Variants in LINGO2 observed in about 807,000 individuals in gnomAD.
LINGO2 encodes leucine-rich repeat and immunoglobulin-like domain-containing nogo receptor-interacting protein 2.
Under a neutral mutation model 30.6 loss-of-function variants are expected in LINGO2, and 14 were observed. That is an observed-to-expected ratio of 0.46 (90% CI 0.30 to 0.72). The LOEUF is 0.72. Ranked by LOEUF, LINGO2 falls within the 30% of genes least tolerant of loss-of-function variation. The pLI is 0.07. For synonymous variants in LINGO2, 317 were observed against 288.5 expected, an observed-to-expected ratio of 1.10 and a Z score of -1.00; for missense variants, 729 against 751.7, an observed-to-expected ratio of 0.97 and a Z score of 0.35.
chr9:29,188,432 A>G, the LINGO2 span, among the ~76,000 whole-genome samples: 2 of 152,172 alleles, frequency 1.3e-5, no homozygotes, highest in African/African-American at 4.8e-5. Flanking sequence ...CTACACAGAC[A>G]CAGCAACCAT....
intron 1 of LINGO2, among the ~76,000 whole-genome samples, chr9:28,580,458 C>T (rs1824205490): frequency 6.6e-6 from 1 of 151,902 alleles, no homozygotes; most frequent in Non-Finnish European, 1.5e-5. Context: ...TGCCCATCCC[C>T]CTCCCTCCCA....
chr9:28,198,503 G>A lies in LINGO2; in HGVS notation c.-87+96705C>T, dbSNP rs184077245. ...TTTCTTTCCTTTGCATATGAATACT[G>A]ATGCAAAAATGACAAAATATTTTCA... On this transcript the variant is annotated intron_variant, in intron 4 of 5. Transcript: ENST00000379992. Among the ~76,000 whole-genome samples, 311 of 152,162 alleles carry A rather than the reference G, an allele frequency of 2.0e-3. 2 individuals are homozygous for A. Among genetic ancestry groups the A allele is most frequent in the Middle Eastern group, 0.017 (5 of 294 alleles).
chr9:29,042,755 T>A, the LINGO2 span, among the ~76,000 whole-genome samples: 2 of 152,096 alleles, frequency 1.3e-5, no homozygotes, highest in East Asian at 1.9e-4. Context: ...TTGCCTCACA[T>A]CCTTATTTTT....
the LINGO2 span, among the ~76,000 whole-genome samples, chr9:29,017,949 T>C: frequency 6.6e-6 from 1 of 151,498 alleles, no homozygotes; most frequent in Non-Finnish European, 1.5e-5. Flanking sequence ...TGCTCTACTC[T>C]CTCTCACAAG....
At chr9:28,932,605 T>C in the LINGO2 span, among the ~76,000 whole-genome samples, 1 of 152,148 alleles carries the variant, frequency 6.6e-6, no homozygotes, top group African/African-American at 2.4e-5. Context: ...CTAAAACGGT[T>C]TCCTCTGGGT....
intron 1 of LINGO2, among the ~76,000 whole-genome samples, chr9:28,613,856 G>A (rs1826022812): frequency 6.6e-6 from 1 of 152,076 alleles, no homozygotes; most frequent in Non-Finnish European, 1.5e-5. Flanking sequence ...GTGGTCCATT[G>A]GACATGTTAA....
chr9:28,245,531 G>A (rs570456558), intron 4 of LINGO2, among the ~76,000 whole-genome samples: 24 of 152,228 alleles, frequency 1.6e-4, no homozygotes, highest in African/African-American at 5.3e-4. Context: ...TGCAGATGAC[G>A]TGATCCTACA....
the LINGO2 span, among the ~76,000 whole-genome samples, chr9:28,999,898 C>G: frequency 1.4e-5 from 2 of 144,328 alleles, no homozygotes; most frequent in African/African-American, 5.2e-5. Flanking sequence ...TTCTAAATAA[C>G]TGTATCCATG....
intron 2 of LINGO2, among the ~76,000 whole-genome samples, chr9:28,450,914 C>T (rs1011798877): frequency 6.6e-6 from 1 of 151,996 alleles, no homozygotes; most frequent in Non-Finnish European, 1.5e-5. Flanking sequence ...CCACTCTCCT[C>T]ATTGATTTTA....
the LINGO2 span, among the ~76,000 whole-genome samples, chr9:29,203,900 T>C: frequency 2.6e-5 from 4 of 152,212 alleles, no homozygotes; most frequent in African/African-American, 7.2e-5. Flanking sequence ...TAAATACACT[T>C]ATGATGCAAA....
chr9:28,596,772 G>T (rs1471667807), intron 1 of LINGO2, among the ~76,000 whole-genome samples: 1 of 152,010 alleles, frequency 6.6e-6, no homozygotes, highest in African/African-American at 2.4e-5. Flanking sequence ...ATAAGTATAT[G>T]CACAGTCTGA....
chr9:28,026,904 G>T (rs574490540), intron 4 of LINGO2, among the ~76,000 whole-genome samples: 2 of 152,180 alleles, frequency 1.3e-5, no homozygotes, highest in African/African-American at 4.8e-5. Context: ...AGTATTCAAG[G>T]CTTTTTCACG....
the LINGO2 span, among the ~76,000 whole-genome samples, chr9:28,933,305 C>G: frequency 6.6e-5 from 10 of 152,132 alleles, no homozygotes; most frequent in Admixed American, 6.5e-4. Context: ...TTGGGTTCCC[C>G]AAAATCCTTA....
chr9:28,090,413 G>A (rs569915091), intron 4 of LINGO2, among the ~76,000 whole-genome samples: 5 of 152,116 alleles, frequency 3.3e-5, no homozygotes, highest in African/African-American at 4.8e-5. Context: ...TTCAACATAC[G>A]CAAACCAATA....
chr9:28,514,961 C>G (rs1016046895), intron 1 of LINGO2, among the ~76,000 whole-genome samples: 2 of 150,912 alleles, frequency 1.3e-5, no homozygotes, highest in African/African-American at 4.9e-5. Flanking sequence ...GCCTGGATAA[C>G]AGCACATCTG....
At chr9:29,002,691 C>A in the LINGO2 span, among the ~76,000 whole-genome samples, 1,293 of 152,010 alleles carry the variant, frequency 8.5e-3, 13 homozygotes, top group African/African-American at 0.029. Flanking sequence ...CTATATATAC[C>A]CTGCGACACC....
chr9:28,268,981 C>T (rs540971278), intron 4 of LINGO2, among the ~76,000 whole-genome samples: 22 of 152,138 alleles, frequency 1.4e-4, no homozygotes, highest in African/African-American at 5.3e-4. Context: ...CTGAAGAATT[C>T]ACATTTCTCA....
chr9:28,647,304 T>A (rs1024690693), intron 1 of LINGO2, among the ~76,000 whole-genome samples: 2 of 152,104 alleles, frequency 1.3e-5, no homozygotes, highest in African/African-American at 2.4e-5. Context: ...CTTAAATGTA[T>A]AAGTTAATTG....
chr9:27,966,219 G>A (rs1820094208), intron 5 of LINGO2, among the ~76,000 whole-genome samples: 2 of 151,984 alleles, frequency 1.3e-5, no homozygotes, highest in South Asian at 4.2e-4. Flanking sequence ...AATCTATTAA[G>A]GTAGATGTTA....
Sources: allele counts gnomAD v4.1 joint callset (sites outside exome capture counted in the v4.1 genomes callset), GRCh38; gene constraint gnomAD v4.1.1; transcripts MANE v1.5; gene names NCBI Gene and HGNC (gene_info 2026-07-23, HGNC 2026-07-21).